Variants in CACUL1 observed in about 807,000 individuals in gnomAD.
CACUL1 encodes the protein CDK2 associated cullin domain 1.
In CACUL1, 13 loss-of-function variants were observed where a neutral mutation model predicts 45.2. The observed-to-expected ratio is 0.29, with a 90% confidence interval of 0.19 to 0.46. The LOEUF (loss-of-function observed/expected upper bound fraction) is 0.46, where lower values mean the gene tolerates loss of function less well. Ranked by LOEUF, CACUL1 falls within the 20% of genes least tolerant of loss-of-function variation. The pLI is 1.00. For missense variants in CACUL1, 421 were observed against 471.4 expected, an observed-to-expected ratio of 0.89 and a Z score of 0.99; for synonymous variants, 197 against 174.2, an observed-to-expected ratio of 1.13 and a Z score of -1.03.
intron 1 of CACUL1, among the ~76,000 whole-genome samples, chr10:118,753,734 C>T (rs1439614800): frequency 6.6e-6 from 1 of 152,196 alleles, no homozygotes; most frequent in Admixed American, 6.5e-5. Flanking sequence ...ATAACCCATC[C>T]TGAAAGGCTT....
rs1418845014 is a variant in CACUL1 at position 118,683,624 on chromosome 10, G to A, written c.*2504C>T. Reference sequence around the variant, plus strand: ...GCAGGAGAATCACTTGAACCCAGGAGGCAGAGGTTGCAGTGAGCTGAGATT... The same window carrying A: ...GCAGGAGAATCACTTGAACCCAGGAAGCAGAGGTTGCAGTGAGCTGAGATT... On this transcript the variant is annotated 3_prime_UTR_variant, in exon 9 of 9. Transcript: ENST00000369151. 1.3e-5 allele frequency: 2 copies of A among 152,168 alleles called. No individual in the cohort carries two copies. Among genetic ancestry groups the A allele is most frequent in the Non-Finnish European group, 2.9e-5 (2 of 68,054 alleles). The allele number at this position is 152,168 out of a possible 1,614,324, so 9.4% of individuals were successfully genotyped here.
At chr10:118,693,946 A>T (rs1845296108) in intron 6 of CACUL1, among the ~76,000 whole-genome samples, 1 of 152,098 alleles carries the variant, frequency 6.6e-6, no homozygotes, top group African/African-American at 2.4e-5. Context: ...ATGGAGTCTC[A>T]CTCTATCGCC....
chr10:118,747,798 G>A (rs1216192856), intron 1 of CACUL1, among the ~76,000 whole-genome samples: 1 of 152,166 alleles, frequency 6.6e-6, no homozygotes, highest in African/African-American at 2.4e-5. Context: ...AAGAGACACA[G>A]GGAAGGCAGA....
At chr10:118,747,839 C>A (rs1422877835) in intron 1 of CACUL1, among the ~76,000 whole-genome samples, 1 of 152,172 alleles carries the variant, frequency 6.6e-6, no homozygotes, top group Non-Finnish European at 1.5e-5. Flanking sequence ...AATCCCAGCA[C>A]TCTGGGAGTC....
intron 1 of CACUL1, among the ~76,000 whole-genome samples, chr10:118,747,336 C>T (rs1014617028): frequency 2.0e-5 from 3 of 152,050 alleles, no homozygotes; most frequent in Non-Finnish European, 4.4e-5. Flanking sequence ...TGCAACCACC[C>T]TAAAGAATTG....
chr10:118,714,507 G>GC (rs1845522633), intron 3 of CACUL1, among the ~76,000 whole-genome samples: 1 of 152,062 alleles, frequency 6.6e-6, no homozygotes, highest in Non-Finnish European at 1.5e-5. Context: ...TTCATTATTG[G>GC]CAACAAATAC....
At chr10:118,720,412 T>A (rs1282816483) in intron 3 of CACUL1, among the ~76,000 whole-genome samples, 1 of 152,232 alleles carries the variant, frequency 6.6e-6, no homozygotes, top group Non-Finnish European at 1.5e-5. Context: ...TACTTACACC[T>A]ATTTGCTATT....
chr10:118,677,124 G>T lies in CACUL1; in HGVS notation c.*9004C>A, dbSNP rs1294916477. The T allele has an allele frequency of 6.6e-6, 1 of 152,084 alleles. No homozygotes were observed. The highest frequency in any genetic ancestry group is 2.4e-5 in the African/African-American group (1 of 41,404). The allele number at this position is 152,084 out of a possible 1,614,324, so 9.4% of individuals were successfully genotyped here. On this transcript the variant is annotated 3_prime_UTR_variant, in exon 9 of 9. Coordinates refer to ENST00000369151, the MANE Select transcript of CACUL1 (RefSeq NM_153810.5). ...TAAAATAATTGACCATGGACAGCAT[G>T]ATTTCAAAAAGCCGCCTTTAGTGTA...
chr10:118,677,855 T>C lies in CACUL1; in HGVS notation c.*8273A>G, dbSNP rs138058463. 6 of 152,366 alleles carry C rather than the reference T, an allele frequency of 3.9e-5. No individual in the cohort carries two copies. The highest frequency in any genetic ancestry group is 1.4e-4 in the African/African-American group (6 of 41,598). The allele number at this position is 152,366 out of a possible 1,614,324, so 9.4% of individuals were successfully genotyped here. A position where few individuals can be genotyped will look rare whatever the true frequency, so the allele number is the denominator to read the frequency against. ...TTCTTGGTACACATGCACATGAGTT[T>C]TTCTAAGTATAAATAGTGGGCTATT... is the stretch of plus-strand genomic sequence containing the variant. On this transcript the variant is annotated 3_prime_UTR_variant, in exon 9 of 9. Coordinates refer to ENST00000369151, the MANE Select transcript of CACUL1 (RefSeq NM_153810.5).
At chr10:118,708,993 T>TC (rs999903235) in intron 3 of CACUL1, among the ~76,000 whole-genome samples, 1 of 152,092 alleles carries the variant, frequency 6.6e-6, no homozygotes, top group Non-Finnish European at 1.5e-5. Flanking sequence ...ACTTTTCACG[T>TC]CCCCCCAAAT....
Position 118,754,540 on chromosome 10 carries a change from G to C in CACUL1, c.223C>G (p.Pro75Ala). 1.2e-6 allele frequency: 2 copies of C among 1,612,672 alleles called. No homozygotes were observed. The highest frequency in any genetic ancestry group is 2.2e-5 in the East Asian group (1 of 44,746). The change falls in exon 1 of 9, where the codon CCG (proline) becomes GCG (alanine). Residue 75 changes from proline (P) to alanine (A), a missense_variant. Physicochemically the swap from Pro to Ala is conservative, Grantham distance 27. Around this residue, in one of 2 missense-constraint regions of CACUL1, gnomAD observed 213 missense variants for 173.1 expected, o/e 1.23. Coordinates refer to ENST00000369151, the MANE Select transcript of CACUL1 (RefSeq NM_153810.5). ...VDRKGPKEGLPMGPQPPPEAN... is the reference protein window; with the variant it reads ...VDRKGPKEGLAMGPQPPPEAN... ...TCCGGCGGTGGCTGCGGCCCCATCG[G>C]GAGCCCCTCCTTGGGGCCTTTCCTG...
intron 1 of CACUL1, among the ~76,000 whole-genome samples, chr10:118,743,086 AT>A (rs1415422661): frequency 6.6e-6 from 1 of 152,208 alleles, no homozygotes; most frequent in Non-Finnish European, 1.5e-5. Context: ...ACTCTCACTG[AT>A]TTAAGAGCAG....
At chr10:118,754,344 C>T in intron 1 of CACUL1, 52 bp downstream of exon 1, 1 of 1,441,902 alleles carries the variant, frequency 6.9e-7, no homozygotes, top group South Asian at 1.5e-5. Flanking sequence ...GTGGATTCGG[C>T]GTCCGAGTGA....
In CACUL1 at chr10:118,685,008, G is replaced by T. The variant is rs11198561; in HGVS notation, c.*1120C>A. 1 of 152,194 alleles carries T rather than the reference G, an allele frequency of 6.6e-6. No individual in the cohort carries two copies. Among genetic ancestry groups the T allele is most frequent in the African/African-American group, 2.4e-5 (1 of 41,452 alleles). 9.4% of individuals were successfully genotyped at this position (152,194 alleles called of 1,614,324 possible). A position where few individuals can be genotyped will look rare whatever the true frequency, so the allele number is the denominator to read the frequency against. On this transcript the variant is annotated 3_prime_UTR_variant, in exon 9 of 9. Coordinates refer to ENST00000369151, the MANE Select transcript of CACUL1 (RefSeq NM_153810.5). ...CAGAAATATAGCTTTGCCACAGCTG[G>T]AAGGGAGCCTTAGGACAGCAGTGCT...
intron 1 of CACUL1, among the ~76,000 whole-genome samples, chr10:118,732,650 C>T (rs894544071): frequency 6.6e-6 from 1 of 152,160 alleles, no homozygotes; most frequent in Non-Finnish European, 1.5e-5. Flanking sequence ...CTGTGCTATA[C>T]TGACTCCCAG....
chr10:118,731,157 C>T (rs1310917977), intron 1 of CACUL1, among the ~76,000 whole-genome samples: 1 of 152,146 alleles, frequency 6.6e-6, no homozygotes, highest in Admixed American at 6.5e-5. Flanking sequence ...TGCTTCACGG[C>T]ACTGAAATGT....
chr10:118,749,689 C>T (rs969957157), intron 1 of CACUL1, among the ~76,000 whole-genome samples: 18 of 152,320 alleles, frequency 1.2e-4, no homozygotes, highest in African/African-American at 4.1e-4. Context: ...ATGGAAATCA[C>T]TGAGACTTTT....
chr10:118,754,576 C>T lies in CACUL1; in HGVS notation c.187G>A (p.Val63Ile), dbSNP rs373186391. 4.1e-4 allele frequency: 668 copies of T among 1,609,760 alleles called. No individual in the cohort carries two copies. The highest frequency in any genetic ancestry group is 5.2e-4 in the Non-Finnish European group (616 of 1,178,348). ...PGGQLLAVPA[V>I]SVDRKGPKEG... ...TTGGGGCCTTTCCTGTCCACGGAGA[C>T]CGCGGGCACCGCCAGCAGCTGCCCC... Residue 63 changes from valine (V) to isoleucine (I), a missense_variant, in exon 1 of 9, where the codon GTC (valine) becomes ATC (isoleucine). By Grantham distance (29) the Val-to-Ile change is conservative (BLOSUM62 3). Coordinates refer to ENST00000369151, the MANE Select transcript of CACUL1 (RefSeq NM_153810.5).
At chr10:118,729,223 G>T in intron 3 of CACUL1, 72 bp downstream of exon 3, 1 of 897,090 alleles carries the variant, frequency 1.1e-6, no homozygotes, top group Non-Finnish European at 1.8e-6. Context: ...TTCCAAATGT[G>T]TATTAGAAAA....
Sources: allele counts gnomAD v4.1 joint callset (sites outside exome capture counted in the v4.1 genomes callset), GRCh38; gene constraint gnomAD v4.1.1; regional missense constraint gnomAD v4.1.1; transcripts MANE v1.5; gene names NCBI Gene and HGNC (gene_info 2026-07-23, HGNC 2026-07-21).